Variants in SLC9A9 observed in about 807,000 individuals in gnomAD.
SLC9A9 encodes sodium/hydrogen exchanger 9.
SLC9A9 carries 62 observed loss-of-function variants against 77.8 expected under a neutral mutation model. The ratio of observed to expected loss-of-function variants is 0.80; its 90% confidence interval spans 0.65 to 0.98. The LOEUF (loss-of-function observed/expected upper bound fraction) is 0.98. Among genes scored for constraint, SLC9A9 ranks in the 50% least tolerant of loss-of-function variants. The probability of loss-of-function intolerance (pLI) is 0.00; values close to 1 mark genes in which losing one functional copy is unlikely to be tolerated. For missense variants in SLC9A9, 775 were observed against 774.9 expected (o/e 1.00, Z 0.00); for synonymous variants, 320 against 283.5 (o/e 1.13, Z -1.29).
chr3:143,394,591 G>C (rs1020409317), intron 12 of SLC9A9, among the ~76,000 whole-genome samples: 8 of 152,174 alleles, frequency 5.3e-5, no homozygotes, highest in Non-Finnish European at 1.0e-4. Context: ...CAGGTTGGAA[G>C]TTCTGGCCAG....
chr3:143,469,232 A>C (rs553022968), intron 11 of SLC9A9, among the ~76,000 whole-genome samples: 2 of 152,316 alleles, frequency 1.3e-5, no homozygotes, highest in African/African-American at 4.8e-5. Context: ...TAATAAAAAT[A>C]GAAATATAGA....
At chr3:143,584,959 C>A (rs1050454314) in intron 6 of SLC9A9, among the ~76,000 whole-genome samples, 2 of 152,220 alleles carry the variant, frequency 1.3e-5, no homozygotes, top group Non-Finnish European at 2.9e-5. Context: ...GTGATGGAAG[C>A]CTGGAGGAGG....
At chr3:143,325,555 A>G (rs968901065) in intron 14 of SLC9A9, among the ~76,000 whole-genome samples, 3 of 152,144 alleles carry the variant, frequency 2.0e-5, no homozygotes, top group African/African-American at 4.8e-5. Flanking sequence ...TCCACACCAC[A>G]TGGGCAAATC....
chr3:143,467,138 C>G lies in SLC9A9; in HGVS notation c.1368G>C (p.Gln456His), dbSNP rs370039028. Residue 456 changes from glutamine to histidine, a missense_variant, in exon 12 of 16, where the codon CAG (glutamine) becomes CAC (histidine). Transcript: ENST00000316549. ...TAGTGGTAAACATCATTTGTTTGGG[C>G]TGAGATTCTGTGTTCCGAATAGCTA... ...FALAIRNTES[Q>H]PKQMMFTTTL... 1.2e-6 allele frequency: 2 copies of G among 1,614,200 alleles called. No individual in the cohort carries two copies.
At chr3:143,478,629 C>A (rs1453214571) in intron 11 of SLC9A9, among the ~76,000 whole-genome samples, 5 of 152,208 alleles carry the variant, frequency 3.3e-5, no homozygotes, top group African/African-American at 1.2e-4. Flanking sequence ...TAGCACAAGG[C>A]ATTTTAAAGT....
At chr3:143,649,073 G>A (rs1306519113) in intron 6 of SLC9A9, among the ~76,000 whole-genome samples, 2 of 152,274 alleles carry the variant, frequency 1.3e-5, no homozygotes, top group East Asian at 1.9e-4. Context: ...TGTAGTAATT[G>A]CACAGTTAAT....
At chr3:143,767,370 C>CTGTGTGTG (rs1304114618) in intron 4 of SLC9A9, among the ~76,000 whole-genome samples, 24 of 117,588 alleles carry the variant, frequency 2.0e-4, no homozygotes, top group African/African-American at 9.2e-4. Context: ...CAGTAAGTGT[C>CTGTGTGTG]TGTGTATGTG....
At chr3:143,380,726 CA>C (rs550768328) in intron 13 of SLC9A9, among the ~76,000 whole-genome samples, 1 of 152,116 alleles carries the variant, frequency 6.6e-6, no homozygotes, top group Non-Finnish European at 1.5e-5. Context: ...ACACATGTGA[CA>C]AAAAACCTCA....
chr3:143,836,933 T>C (rs2009583272), intron 1 of SLC9A9, among the ~76,000 whole-genome samples: 2 of 152,196 alleles, frequency 1.3e-5, no homozygotes, highest in Admixed American at 1.3e-4. Context: ...GAATAAGGTA[T>C]AACAAGTATT....
intron 1 of SLC9A9, among the ~76,000 whole-genome samples, chr3:143,837,724 G>A (rs533061179): frequency 2.6e-5 from 4 of 152,274 alleles, no homozygotes; most frequent in African/African-American, 7.2e-5. Context: ...GCTGATAACC[G>A]GTTTGGAATG....
chr3:143,431,794 A>G (rs2108536668), intron 12 of SLC9A9, among the ~76,000 whole-genome samples: 1 of 151,656 alleles, frequency 6.6e-6, no homozygotes, highest in East Asian at 1.9e-4. Context: ...CACCCCTCTT[A>G]CTTCTCTAAA....
chr3:143,503,577 G>A (rs2035960804), intron 9 of SLC9A9: 2 of 420,252 alleles, frequency 4.8e-6, no homozygotes, highest in Non-Finnish European at 9.4e-6. Context: ...TGGGAACATG[G>A]AAGGATATGC....
At chr3:143,757,464 T>A (rs920186906) in intron 4 of SLC9A9, among the ~76,000 whole-genome samples, 34 of 152,150 alleles carry the variant, frequency 2.2e-4, no homozygotes, top group Non-Finnish European at 2.6e-4. Context: ...ATCTAAATAA[T>A]CAGTCTATTT....
intron 14 of SLC9A9, among the ~76,000 whole-genome samples, chr3:143,336,263 A>G (rs2031920069): frequency 6.6e-6 from 1 of 152,180 alleles, no homozygotes; most frequent in Non-Finnish European, 1.5e-5. Context: ...GACATGGAGA[A>G]ATTGGAATCT....
intron 2 of SLC9A9, among the ~76,000 whole-genome samples, chr3:143,810,934 C>A (rs770445395): frequency 6.6e-6 from 1 of 152,090 alleles, no homozygotes; most frequent in Non-Finnish European, 1.5e-5. Context: ...ATGACAGGGA[C>A]ACCATTCTGG....
At chr3:143,786,643 G>A (rs905042136) in intron 4 of SLC9A9, among the ~76,000 whole-genome samples, 4 of 152,162 alleles carry the variant, frequency 2.6e-5, no homozygotes, top group Non-Finnish European at 5.9e-5. Flanking sequence ...ATGCATATGA[G>A]AAACCACACT....
At chr3:143,705,617 A>T (rs1314186551) in intron 4 of SLC9A9, among the ~76,000 whole-genome samples, 1 of 152,208 alleles carries the variant, frequency 6.6e-6, no homozygotes, top group Non-Finnish European at 1.5e-5. Flanking sequence ...AATAAATTTT[A>T]AAAAGAGCTT....
intron 3 of SLC9A9, 41 bp downstream of exon 3, chr3:143,796,785 T>C: frequency 1.4e-6 from 2 of 1,429,336 alleles, no homozygotes; most frequent in Non-Finnish European, 2.0e-6. Flanking sequence ...TAAAATTCTC[T>C]ACTTAATGAT....
intron 1 of SLC9A9, 145 bp downstream of exon 1, chr3:143,848,003 C>A: frequency 1.2e-6 from 1 of 857,970 alleles, no homozygotes; most frequent in Non-Finnish European, 1.9e-6. Flanking sequence ...GATTAGCATT[C>A]GTTACGCTGC....
Sources: allele counts gnomAD v4.1 joint callset (sites outside exome capture counted in the v4.1 genomes callset), GRCh38; gene constraint gnomAD v4.1.1; transcripts MANE v1.5; gene names NCBI Gene and HGNC (gene_info 2026-07-23, HGNC 2026-07-21).